HAO1: variants seen among roughly 807,000 people sequenced by gnomAD.
HAO1 encodes the protein hydroxyacid oxidase 1, also known as 2-Hydroxyacid oxidase 1.
A neutral mutation model predicts 39.7 loss-of-function variants in HAO1; 34 were observed. The ratio of observed to expected loss-of-function variants is 0.86; its 90% CI spans 0.65 to 1.14. HAO1 has a LOEUF of 1.14. Among genes scored for constraint, HAO1 ranks in the 50% most tolerant of loss-of-function variants. HAO1 has a pLI of 0.00. For synonymous variants in HAO1, 172 were observed against 173.2 expected (o/e 0.99, Z 0.05); for missense variants, 479 against 464.5 (o/e 1.03, Z -0.29).
chr20:7,913,677 C>G (rs917576938), intron 3 of HAO1, among the ~76,000 whole-genome samples: 3 of 152,034 alleles, frequency 2.0e-5, no homozygotes, highest in African/African-American at 7.2e-5. Flanking sequence ...GAATCTTGAC[C>G]CATGGATGAA....
At chr20:7,931,294 G>T (rs1941940099) in intron 2 of HAO1, among the ~76,000 whole-genome samples, 1 of 152,048 alleles carries the variant, frequency 6.6e-6, no homozygotes, top group Non-Finnish European at 1.5e-5. Flanking sequence ...TTCCTGAGGG[G>T]TCTGCTTTGC....
At chr20:7,910,308 C>T (rs563319974) in intron 3 of HAO1, among the ~76,000 whole-genome samples, 1 of 152,226 alleles carries the variant, frequency 6.6e-6, no homozygotes, top group African/African-American at 2.4e-5. Flanking sequence ...TGTATGGTAA[C>T]CAGCGTTGGC....
In HAO1 at chr20:7,915,096, G is replaced by C. The variant is rs187865529; in HGVS notation, c.290-677C>G. On this transcript the variant is annotated intron_variant, in intron 2 of 7. Coordinates refer to ENST00000378789, the MANE Select transcript of HAO1 (RefSeq NM_017545.3). Reference sequence around the variant, plus strand: ...GATTGCAGCATTGCGCTCTAGCCTGGGTGACAAGAGTGAAACTACATCTCA... The same window carrying C: ...GATTGCAGCATTGCGCTCTAGCCTGCGTGACAAGAGTGAAACTACATCTCA... Among the ~76,000 whole-genome samples the C allele has an allele frequency of 3.7e-3, 569 of 152,164 alleles. 4 individuals are homozygous for C. Among genetic ancestry groups the C allele is most frequent in the Admixed American group, 9.9e-3 (151 of 15,286 alleles).
chr20:7,931,921 G>A (rs999520724), intron 2 of HAO1, among the ~76,000 whole-genome samples: 1 of 152,136 alleles, frequency 6.6e-6, no homozygotes, highest in Non-Finnish European at 1.5e-5. Flanking sequence ...AGAAACACCT[G>A]TCAAATATCA....
chr20:7,905,717 C>T (rs1288416683), intron 4 of HAO1, among the ~76,000 whole-genome samples: 1 of 152,150 alleles, frequency 6.6e-6, no homozygotes, highest in Non-Finnish European at 1.5e-5. Flanking sequence ...TAGTCCTAGC[C>T]ATTTGTACTG....
At chr20:7,930,628 G>A (rs917922399) in intron 2 of HAO1, among the ~76,000 whole-genome samples, 5 of 152,146 alleles carry the variant, frequency 3.3e-5, no homozygotes, top group African/African-American at 9.7e-5. Flanking sequence ...GTGTTCATGG[G>A]CAGGCAACCT....
chr20:7,907,344 A>G (rs1485083471), intron 3 of HAO1, among the ~76,000 whole-genome samples: 1 of 152,144 alleles, frequency 6.6e-6, no homozygotes, highest in Non-Finnish European at 1.5e-5. Flanking sequence ...GGGATGTTGA[A>G]GTGTAAATAC....
intron 2 of HAO1, among the ~76,000 whole-genome samples, chr20:7,916,801 T>C (rs1318739492): frequency 1.3e-5 from 2 of 152,240 alleles, no homozygotes; most frequent in South Asian, 2.1e-4. Flanking sequence ...TCATCATGTC[T>C]ATAGATCACT....
At chr20:7,885,678 T>A (rs373438796) in intron 6 of HAO1, 28 bp downstream of exon 6, 73 of 1,593,648 alleles carry the variant, frequency 4.6e-5, no homozygotes, top group Admixed American at 6.7e-5. Context: ...GTTGTCTATT[T>A]TATATATTCA....
chr20:7,886,062 GAAA>G (rs2050149848), intron 5 of HAO1, among the ~76,000 whole-genome samples, 198 bp from the exon 6 acceptor site: 1 of 152,110 alleles, frequency 6.6e-6, no homozygotes, highest in Admixed American at 6.6e-5. Flanking sequence ...ACTAAATTTG[GAAA>G]TGAGCAGCTT....
Position 7,906,171 on chromosome 20 carries a change from G to C in HAO1, c.704C>G (p.Ala235Gly). The C allele has an allele frequency of 6.2e-7, 1 of 1,612,134 alleles. No homozygotes were observed. The highest frequency in any genetic ancestry group is 8.5e-7 in the Non-Finnish European group (1 of 1,178,300). Residue 235 changes from alanine (A) to glycine (G), a missense_variant, in exon 4 of 8, where the codon GCA becomes GGA. Coordinates refer to ENST00000378789, the MANE Select transcript of HAO1 (RefSeq NM_017545.3). Reference sequence around the variant, plus strand: ...AAACGAACCTCTCAAAATGCCCTTTGCAACAATTGGCAATGATGTCAGTCT... The same window carrying C: ...AAACGAACCTCTCAAAATGCCCTTTCCAACAATTGGCAATGATGTCAGTCT... ...LRRLTSLPIV[A>G]KGILRGDDAR...
chr20:7,894,184 G>A (rs1051005892), intron 5 of HAO1, among the ~76,000 whole-genome samples: 2 of 152,090 alleles, frequency 1.3e-5, no homozygotes, highest in Non-Finnish European at 2.9e-5. Context: ...TCCACCCCAG[G>A]AAATGTGTCC....
intron 4 of HAO1, among the ~76,000 whole-genome samples, chr20:7,900,514 G>C (rs2050216853): frequency 6.6e-6 from 1 of 152,038 alleles, no homozygotes; most frequent in Non-Finnish European, 1.5e-5. Context: ...CTTTTTCATT[G>C]TTACATCTGT....
chr20:7,901,065 C>T (rs1047733098), intron 4 of HAO1, among the ~76,000 whole-genome samples: 4 of 152,074 alleles, frequency 2.6e-5, no homozygotes, highest in African/African-American at 9.7e-5. Context: ...TAACTCTCTT[C>T]AATTCTATAA....
chr20:7,908,393 TA>T (rs34048209), intron 3 of HAO1, among the ~76,000 whole-genome samples: 19,887 of 118,946 alleles, frequency 0.17, 1,553 homozygotes, highest in African/African-American at 0.26. Context: ...TGTCTCAAAA[TA>T]AAAAAAAAAA....
intron 3 of HAO1, 42 bp from the exon 4 acceptor site, chr20:7,906,371 G>A (rs913789299): frequency 8.7e-7 from 1 of 1,144,438 alleles, no homozygotes; most frequent in Admixed American, 1.8e-5. Context: ...TGCCAAATTA[G>A]AAATACGTTT....
At chr20:7,911,245 T>A (rs1026830887) in intron 3 of HAO1, among the ~76,000 whole-genome samples, 1 of 152,198 alleles carries the variant, frequency 6.6e-6, no homozygotes, top group Non-Finnish European at 1.5e-5. Context: ...GGCAGGCTGA[T>A]CTGTTTTAGT....
At chr20:7,900,088 T>G (rs778240413) in intron 4 of HAO1, among the ~76,000 whole-genome samples, 4 of 152,148 alleles carry the variant, frequency 2.6e-5, no homozygotes, top group Non-Finnish European at 4.4e-5. Context: ...GAGTAGTAAC[T>G]AAATCCCGGA....
At chr20:7,901,925 G>C (rs1428541327) in intron 4 of HAO1, among the ~76,000 whole-genome samples, 2 of 152,194 alleles carry the variant, frequency 1.3e-5, no homozygotes, top group Non-Finnish European at 2.9e-5. Context: ...GACTATGGTG[G>C]AGAAAGTCAC....
Sources: allele counts gnomAD v4.1 joint callset (sites outside exome capture counted in the v4.1 genomes callset), GRCh38; gene constraint gnomAD v4.1.1; transcripts MANE v1.5; gene names NCBI Gene and HGNC (gene_info 2026-07-23, HGNC 2026-07-21).